The following ADD1 variants were observed in gnomAD, a reference collection of about 807,000 sequenced individuals.
ADD1 encodes alpha-adducin.
A neutral mutation model predicts 80.5 loss-of-function variants in ADD1; 24 were observed. The ratio of observed to expected loss-of-function variants is 0.30; its 90% confidence interval spans 0.22 to 0.42. The LOEUF (loss-of-function observed/expected upper bound fraction) is 0.42, where lower values mean the gene tolerates loss of function less well. Among genes scored for constraint, ADD1 ranks in the 10% least tolerant of loss-of-function variants. The probability of loss-of-function intolerance (pLI) is 1.00; values close to 1 mark genes in which losing one functional copy is unlikely to be tolerated. For synonymous variants in ADD1, 373 were observed against 393.8 expected (o/e 0.95, Z 0.63); for missense variants, 948 against 1,019.0 (o/e 0.93, Z 0.95).
In ADD1 at chr4:2,919,146, A is replaced by G. The variant is rs150575204; in HGVS notation, c.1948+4106A>G. 1.1e-3 allele frequency among the ~76,000 whole-genome samples: 166 copies of G among 152,182 alleles called. 1 individual carries two copies. The highest frequency in any genetic ancestry group is 3.5e-3 in the Admixed American group (54 of 15,270). ...GAGCCACCGCACCTGGTTGATTTGC[A>G]TATGTTGAACCAGCCTTGCATCCCA... On this transcript the variant is annotated intron_variant, in intron 14 of 15. Coordinates refer to ENST00000683351, the MANE Select transcript of ADD1 (RefSeq NM_001354761.2).
At chr4:2,844,921 C>T (rs1200841158) in intron 1 of ADD1, 6 of 152,162 alleles carry the variant, frequency 3.9e-5, no homozygotes, top group African/African-American at 1.4e-4. Context: ...TCGACTGTGT[C>T]TATGAGTAGA....
intron 1 of ADD1, among the ~76,000 whole-genome samples, chr4:2,863,806 A>AGTTT (rs1729152819): frequency 6.6e-6 from 1 of 151,916 alleles, no homozygotes; most frequent in Admixed American, 6.6e-5. Flanking sequence ...TGGGCTGAAG[A>AGTTT]GATCCTCCTG....
chr4:2,905,282 A>G, intron 10 of ADD1, 174 bp downstream of exon 10: 1 of 626,726 alleles, frequency 1.6e-6, no homozygotes, highest in Non-Finnish European at 2.8e-6. Context: ...AAATTCGGAT[A>G]ATACTATCTG....
At chr4:2,867,404 C>G (rs189424266) in intron 1 of ADD1, among the ~76,000 whole-genome samples, 2 of 152,158 alleles carry the variant, frequency 1.3e-5, no homozygotes, top group African/African-American at 4.8e-5. Flanking sequence ...CAGTACTGAC[C>G]CTTGGACTGG....
rs576282343 is a variant in ADD1, at chr4:2,891,038, A to T, written c.511-2975A>T. The stretch of plus-strand genomic sequence containing the variant: ...AGTGACTCCCACCTGTAATCCCAAC[A>T]CTTTTGGAGGCCAAGGCAGGAGGAT... On this transcript the variant is annotated intron_variant, in intron 4 of 15. Coordinates refer to ENST00000683351, the MANE Select transcript of ADD1 (RefSeq NM_001354761.2). Among the ~76,000 whole-genome samples, 8 of 151,916 alleles carry T rather than the reference A, an allele frequency of 5.3e-5. No homozygotes were observed. The East Asian group carries it at 9.7e-4, about 18-fold the overall frequency.
chr4:2,894,412 G>C (rs1734805737), intron 5 of ADD1, among the ~76,000 whole-genome samples, 170 bp from the exon 6 acceptor site: 1 of 151,144 alleles, frequency 6.6e-6, no homozygotes, highest in South Asian at 2.1e-4. Flanking sequence ...ACCAAAATTA[G>C]CTGGGCATGG....
intron 1 of ADD1, 134 bp from the exon 2 acceptor site, chr4:2,875,762 G>C: frequency 1.4e-6 from 1 of 691,976 alleles, no homozygotes; most frequent in Admixed American, 3.2e-5. Context: ...AGCCTCACAG[G>C]TCATGGTTTC....
chr4:2,850,279 T>G (rs1726866482), intron 1 of ADD1, among the ~76,000 whole-genome samples: 1 of 152,248 alleles, frequency 6.6e-6, no homozygotes, highest in Admixed American at 6.5e-5. Context: ...TGTTTTTTGT[T>G]TTTTGTGAGA....
intron 9 of ADD1, 148 bp from the exon 10 acceptor site, chr4:2,904,616 T>C: frequency 4.2e-6 from 3 of 715,592 alleles, no homozygotes; most frequent in Non-Finnish European, 7.0e-6. Context: ...CATTTGCTTC[T>C]GTGGGGTGTA....
rs184657669 is a variant in ADD1, at chr4:2,884,403, A to G, written c.359-112A>G. 332 of 780,526 alleles carry G rather than the reference A, an allele frequency of 4.3e-4. 2 individuals are homozygous for G. The South Asian group carries it at 8.4e-3, about 20-fold the overall frequency. 48.4% of individuals were successfully genotyped at this position (780,526 alleles called of 1,614,324 possible). ...ATTCACAGCTGCTATCATAAGCACT[A>G]CAGCCTCAAACTCATGGCTTCAAGT... On this transcript the variant is annotated intron_variant, in intron 3 of 15. Transcript: ENST00000683351.
chr4:2,907,949 T>TAGAA, intron 11 of ADD1, 105 bp downstream of exon 11: 1 of 855,098 alleles, frequency 1.2e-6, no homozygotes, highest in Non-Finnish European at 2.0e-6. Flanking sequence ...GGGCATCTGC[T>TAGAA]GTTGTTGCCA....
Position 2,899,450 on chromosome 4 carries a change from A to T in ADD1, c.1161+15A>T. On this transcript the variant is annotated intron_variant, in intron 9 of 15. Coordinates refer to ENST00000683351, the MANE Select transcript of ADD1 (RefSeq NM_001354761.2). ...TCGATAATCTGGTAAGAATGGTGCC[A>T]CCACTTGATGATAAACCTTTTGTTC... 6.2e-7 allele frequency: 1 copy of T among 1,614,110 alleles called. No homozygotes were observed. Among genetic ancestry groups the T allele is most frequent in the Non-Finnish European group, 8.5e-7 (1 of 1,179,952 alleles).
chr4:2,872,964 T>G (rs562683842), intron 1 of ADD1, among the ~76,000 whole-genome samples: 2 of 152,110 alleles, frequency 1.3e-5, no homozygotes, highest in South Asian at 4.1e-4. Context: ...TTTCCCTTTC[T>G]CTCTCTTTTT....
intron 1 of ADD1, among the ~76,000 whole-genome samples, chr4:2,872,956 TC>T (rs1730686410): frequency 6.6e-6 from 1 of 152,080 alleles, no homozygotes; most frequent in Non-Finnish European, 1.5e-5. Flanking sequence ...TGCATGTTTT[TC>T]CCTTTCTCTC....
intron 10 of ADD1, chr4:2,907,153 G>C (rs1033415955): frequency 1.3e-5 from 2 of 152,150 alleles, no homozygotes; most frequent in African/African-American, 4.8e-5. Context: ...TAAAATATTC[G>C]ACATCACCAA....
In ADD1 at chr4:2,928,616, C is replaced by T. The variant is rs1712392953; in HGVS notation, c.*93C>T. 7.2e-7 allele frequency: 1 copy of T among 1,386,598 alleles called. No homozygotes were observed. The allele number at this position is 1,386,598 out of a possible 1,614,324, so 85.9% of individuals were successfully genotyped here. ...TGCTCTGTCCTTGTGTAATGGAATG[C>T]AAAAAAGCCAAGCCCTCCGCCTAGA... On this transcript the variant is annotated 3_prime_UTR_variant, in exon 16 of 16. Coordinates refer to ENST00000683351, the MANE Select transcript of ADD1 (RefSeq NM_001354761.2).
At chr4:2,889,548 G>A (rs1344132412) in intron 4 of ADD1, among the ~76,000 whole-genome samples, 5 of 151,958 alleles carry the variant, frequency 3.3e-5, no homozygotes, top group African/African-American at 9.7e-5. Flanking sequence ...TAGGCCAGGC[G>A]TGGTGGCTTA....
intron 3 of ADD1, among the ~76,000 whole-genome samples, chr4:2,882,461 G>A (rs1485945166): frequency 6.6e-6 from 1 of 152,240 alleles, no homozygotes. Flanking sequence ...AAAGCCAGAG[G>A]AAAAGTACTG....
chr4:2,926,550 C>T lies in ADD1; in HGVS notation c.2047+438C>T. On this transcript the variant is annotated intron_variant, in intron 15 of 15. Transcript: ENST00000683351. The surrounding 1 kb of genome is among the most constrained non-coding windows in gnomAD (Gnocchi z 5.0). Reference sequence around the variant, plus strand: ...CATGTCTCTCGTGAAGCCCGTGGCCCTGCCTTTCTTCTTCTGTAACCTGAT... The same window carrying T: ...CATGTCTCTCGTGAAGCCCGTGGCCTTGCCTTTCTTCTTCTGTAACCTGAT... The T allele has an allele frequency of 1.4e-6, 2 of 1,440,906 alleles. No homozygotes were observed. The highest frequency in any genetic ancestry group is 1.9e-6 in the Non-Finnish European group (2 of 1,037,912). 89.3% of individuals were successfully genotyped at this position (1,440,906 alleles called of 1,614,324 possible).
Sources: allele counts gnomAD v4.1 joint callset (sites outside exome capture counted in the v4.1 genomes callset), GRCh38; gene constraint gnomAD v4.1.1; non-coding constraint Gnocchi (gnomAD v3.1); transcripts MANE v1.5; gene names NCBI Gene and HGNC (gene_info 2026-07-23, HGNC 2026-07-21).